Variants in EHHADH observed in about 807,000 individuals in gnomAD.
The protein encoded by EHHADH is peroxisomal bifunctional enzyme.
In EHHADH, 48 loss-of-function variants were observed where a neutral mutation model predicts 64.4. The observed-to-expected ratio is 0.75, with a 90% CI of 0.59 to 0.95. EHHADH has a LOEUF of 0.95. Ranked by LOEUF, EHHADH falls within the 40% of genes least tolerant of loss-of-function variation. EHHADH has a pLI of 0.00. For missense variants in EHHADH, 854 were observed against 876.6 expected (o/e 0.97, Z 0.33); for synonymous variants, 308 against 326.7 (o/e 0.94, Z 0.62).
At chr3:185,205,823 A>C (rs1270983008) in intron 5 of EHHADH, among the ~76,000 whole-genome samples, 1 of 152,158 alleles carries the variant, frequency 6.6e-6, no homozygotes, top group African/African-American at 2.4e-5. Flanking sequence ...CTCCGCAACC[A>C]GAGGGAACAG....
intron 6 of EHHADH, among the ~76,000 whole-genome samples, chr3:185,196,621 C>T (rs1229716925): frequency 6.6e-6 from 1 of 151,824 alleles, no homozygotes; most frequent in Admixed American, 6.6e-5. Context: ...GCCCGGGCAA[C>T]AAGAGCAAAA....
intron 3 of EHHADH, among the ~76,000 whole-genome samples, chr3:185,232,151 G>A (rs1291804297): frequency 6.6e-6 from 1 of 152,126 alleles, no homozygotes; most frequent in Non-Finnish European, 1.5e-5. Flanking sequence ...CCCAGATCGT[G>A]ATTCTAGCAG....
intron 4 of EHHADH, 138 bp downstream of exon 4, chr3:185,229,294 C>T: frequency 2.4e-6 from 1 of 418,960 alleles, no homozygotes; most frequent in Non-Finnish European, 4.2e-6. Context: ...TATTACAGAT[C>T]AGAAAATCGA....
In EHHADH at chr3:185,204,458, T is replaced by C. The variant is rs751036133; in HGVS notation, c.868A>G (p.Lys290Glu). 27 of 1,613,392 alleles carry C rather than the reference T, an allele frequency of 1.7e-5. No individual in the cohort carries two copies. Among genetic ancestry groups the C allele is most frequent in the Non-Finnish European group, 2.2e-5 (26 of 1,179,682 alleles). The part of the protein sequence containing the change: ...KWSTPSGASW[K>E]TASARPVSSV... ...GAGACAGGCCGCGCTGATGCTGTTT[T>C]CCACGATGCTCCGGAGGGAGTTGAC... The change falls in exon 6 of 7, where the codon AAA becomes GAA. Residue 290 changes from lysine (K) to glutamate (E), a missense_variant. Coordinates refer to ENST00000231887, the MANE Select transcript of EHHADH (RefSeq NM_001966.4).
chr3:185,201,046 T>C (rs1161045145), intron 6 of EHHADH, among the ~76,000 whole-genome samples: 4 of 152,116 alleles, frequency 2.6e-5, no homozygotes, highest in Non-Finnish European at 5.9e-5. Context: ...TGGATGTAGT[T>C]GAAATAACCC....
Position 185,192,848 on chromosome 3 carries a change from C to T in EHHADH, c.1550G>A (p.Gly517Glu). 1 of 1,614,128 alleles carries T rather than the reference C, an allele frequency of 6.2e-7. No individual in the cohort carries two copies. The highest frequency in any genetic ancestry group is 8.5e-7 in the Non-Finnish European group (1 of 1,180,030). ...AGCAAGATCAGACACTCTAAAAGGT[C>T]CCATTTTAAAACCAAACTCTTCCAG... ...QVLEEFGFKM[G>E]PFRVSDLAGL... The change falls in exon 7 of 7, where the codon GGA (glycine) becomes GAA (glutamate). Residue 517 changes from glycine (G) to glutamate (E), a missense_variant. Transcript: ENST00000231887.
chr3:185,204,034 G>A (rs1560008538), intron 6 of EHHADH, among the ~76,000 whole-genome samples: 1 of 147,762 alleles, frequency 6.8e-6, no homozygotes, highest in South Asian at 2.2e-4. Flanking sequence ...TCAGGAGGCT[G>A]AGGAAAGAGA....
rs1719656193 is a variant in EHHADH at position 185,248,468 on chromosome 3, C to T, written c.124G>A (p.Asp42Asn). Residue 42 changes from aspartate (D) to asparagine (N), a missense_variant, in exon 2 of 7, where the codon GAC becomes AAC. Transcript: ENST00000231887. ...IKEGLQKAVIDHTIKAIVICG... is the reference protein window; with the variant it reads ...IKEGLQKAVINHTIKAIVICG... ...ATCACAATGGCTTTTATTGTATGGT[C>T]TATTACAGCTTTCTGTAGTCCTTCT... The T allele has an allele frequency of 6.2e-7, 1 of 1,613,904 alleles. No homozygotes were observed. The highest frequency in any genetic ancestry group is 1.7e-5 in the Admixed American group (1 of 59,984).
At chr3:185,214,892 G>A (rs1382683839) in intron 5 of EHHADH, among the ~76,000 whole-genome samples, 2 of 152,120 alleles carry the variant, frequency 1.3e-5, no homozygotes, top group Admixed American at 6.5e-5. Context: ...AAATCTTTGT[G>A]TATTTATGTG....
At chr3:185,221,584 T>C (rs1718835312) in intron 4 of EHHADH, among the ~76,000 whole-genome samples, 1 of 148,590 alleles carries the variant, frequency 6.7e-6, no homozygotes, top group South Asian at 2.1e-4. Context: ...TTTCTTTTTT[T>C]TTTTTTTTGA....
In EHHADH at chr3:185,192,248, C is replaced by T. The variant is rs764871930; in HGVS notation, c.2150G>A (p.Gly717Asp). ...PPLKEWQSLAGSPSSKL is the reference protein window; with the variant it reads ...PPLKEWQSLADSPSSKL ...GAATCACAATTTACTGCTAGGGGAGCCTGCCAAGCTTTGCCATTCTTTCAG... is the reference window on the plus strand; with the variant it reads ...GAATCACAATTTACTGCTAGGGGAGTCTGCCAAGCTTTGCCATTCTTTCAG... The change falls in exon 7 of 7, where the codon GGC becomes GAC. Residue 717 changes from glycine (G) to aspartate (D), a missense_variant. Physicochemically the swap from Gly to Asp is moderately conservative, Grantham distance 94 (BLOSUM62 -1). Coordinates refer to ENST00000231887, the MANE Select transcript of EHHADH (RefSeq NM_001966.4). 3 of 1,613,336 alleles carry T rather than the reference C, an allele frequency of 1.9e-6. No individual in the cohort carries two copies. The highest frequency in any genetic ancestry group is 2.5e-6 in the Non-Finnish European group (3 of 1,179,752).
At chr3:185,208,551 C>T (rs973841363) in intron 5 of EHHADH, among the ~76,000 whole-genome samples, 26 of 152,106 alleles carry the variant, frequency 1.7e-4, no homozygotes, top group Middle Eastern at 3.2e-3. Context: ...GTAGAGAAAC[C>T]AGAAGCCTCA....
Position 185,192,824 on chromosome 3 carries a change from G to T in EHHADH, c.1574C>A (p.Ala525Asp), listed in dbSNP as rs760885049. The T allele has an allele frequency of 5.0e-6, 8 of 1,614,052 alleles. No individual in the cohort carries two copies. The Admixed American group carries it at 1.3e-4, about 27-fold the overall frequency. ...AGATTTCCAGCCCACATCCAACCCA[G>T]CAAGATCAGACACTCTAAAAGGTCC... The part of the protein sequence containing the change: ...KMGPFRVSDL[A>D]GLDVGWKSRK... Residue 525 changes from alanine (A) to aspartate (D), a missense_variant, in exon 7 of 7, where the codon GCT (alanine) becomes GAT (aspartate). Ala to Asp is a moderately radical substitution (Grantham distance 126, BLOSUM62 -2). Coordinates refer to ENST00000231887, the MANE Select transcript of EHHADH (RefSeq NM_001966.4).
chr3:185,200,434 A>T (rs1441980383), intron 6 of EHHADH, among the ~76,000 whole-genome samples: 8 of 152,220 alleles, frequency 5.3e-5, no homozygotes, highest in Admixed American at 1.3e-4. Context: ...CAAGAACAAG[A>T]AGGTTGAACA....
intron 2 of EHHADH, among the ~76,000 whole-genome samples, chr3:185,241,978 G>A (rs567497620): frequency 5.9e-5 from 9 of 152,238 alleles, no homozygotes; most frequent in Admixed American, 4.6e-4. Flanking sequence ...TTTGTATAAA[G>A]TGAGAGATGA....
intron 4 of EHHADH, among the ~76,000 whole-genome samples, chr3:185,222,322 G>A (rs1007225417): frequency 2.6e-5 from 4 of 152,154 alleles, no homozygotes; most frequent in Non-Finnish European, 5.9e-5. Flanking sequence ...GGCGGAGGCT[G>A]CAGTGAGCCG....
intron 1 of EHHADH, 97 bp downstream of exon 1, chr3:185,253,852 C>A: frequency 6.5e-7 from 1 of 1,538,666 alleles, no homozygotes. Context: ...GAGTGTCCTT[C>A]TCGGTTTAAA....
intron 5 of EHHADH, among the ~76,000 whole-genome samples, chr3:185,207,785 A>AT (rs1341397654): frequency 6.6e-6 from 1 of 152,240 alleles, no homozygotes; most frequent in Non-Finnish European, 1.5e-5. Context: ...GCTTGTGGTA[A>AT]TTTTTTAGCA....
chr3:185,234,523 GGCCCT>G (rs1719229006), intron 3 of EHHADH, among the ~76,000 whole-genome samples: 2 of 151,236 alleles, frequency 1.3e-5, no homozygotes, highest in African/African-American at 4.9e-5. Flanking sequence ...ATCAGAGAGA[GGCCCT>G]AGGGCTAAGG....
Sources: gnomAD v4.1 joint callset for allele counts (sites outside exome capture counted in the v4.1 genomes callset) on GRCh38, gnomAD v4.1.1 for gene constraint, MANE v1.5 for transcripts, NCBI Gene and HGNC (gene_info 2026-07-23, HGNC 2026-07-21) for gene names.